Variants in BCKDHB observed in about 807,000 individuals in gnomAD.
BCKDHB encodes branched chain keto acid dehydrogenase E1 subunit beta.
A neutral mutation model predicts 48.5 loss-of-function variants in BCKDHB; 41 were observed. The observed-to-expected ratio is 0.85, with a 90% CI of 0.66 to 1.10. BCKDHB has a LOEUF of 1.10. Among genes scored for constraint, BCKDHB ranks in the 50% least tolerant of loss-of-function variants. The pLI is 0.00. For missense variants in BCKDHB, 496 were observed against 494.2 expected (o/e 1.00, Z -0.03); for synonymous variants, 201 against 174.8 (o/e 1.15, Z -1.18).
the BCKDHB span, among the ~76,000 whole-genome samples, chr6:80,362,102 A>G: frequency 1.5e-3 from 229 of 152,296 alleles, 1 homozygote; most frequent in Non-Finnish European, 2.7e-3. Flanking sequence ...GGAAGAAGTA[A>G]TGATTACTTG....
the BCKDHB span, among the ~76,000 whole-genome samples, chr6:80,444,355 A>T: frequency 6.6e-6 from 1 of 152,142 alleles, no homozygotes; most frequent in African/African-American, 2.4e-5. Context: ...TAAAAATGAA[A>T]CTTTTAAGAG....
intron 3 of BCKDHB, among the ~76,000 whole-genome samples, chr6:80,152,620 T>C (rs73750063): frequency 0.019 from 2,840 of 152,292 alleles, 84 homozygotes; most frequent in African/African-American, 0.065. Flanking sequence ...CAGAATCACA[T>C]TGAGCATGCA....
chr6:80,121,781 A>G (rs1467188790), intron 1 of BCKDHB, among the ~76,000 whole-genome samples: 3 of 152,170 alleles, frequency 2.0e-5, no homozygotes, highest in Non-Finnish European at 1.5e-5. Context: ...TTCTAAATAT[A>G]CAATAATCTC....
At chr6:80,393,861 T>G in the BCKDHB span, among the ~76,000 whole-genome samples, 1 of 152,342 alleles carries the variant, frequency 6.6e-6, no homozygotes, top group East Asian at 1.9e-4. Flanking sequence ...TTAGTAGAGC[T>G]TATTTTCCAG....
chr6:80,246,460 G>C (rs1283948449), intron 8 of BCKDHB, among the ~76,000 whole-genome samples: 1 of 152,148 alleles, frequency 6.6e-6, no homozygotes, highest in African/African-American at 2.4e-5. Flanking sequence ...TGTTTCATTG[G>C]CTGGCCCTGC....
At chr6:80,268,356 T>C (rs761034828) in intron 8 of BCKDHB, among the ~76,000 whole-genome samples, 4 of 152,128 alleles carry the variant, frequency 2.6e-5, no homozygotes, top group Non-Finnish European at 5.9e-5. Flanking sequence ...TTACCATTAG[T>C]TGTACTTATA....
chr6:80,332,949 C>T (rs549470983), intron 9 of BCKDHB, among the ~76,000 whole-genome samples: 4 of 151,706 alleles, frequency 2.6e-5, no homozygotes, highest in South Asian at 2.1e-4. Flanking sequence ...AGTACAAATT[C>T]GTACGGAACC....
At chr6:80,266,996 C>G (rs1014605105) in intron 8 of BCKDHB, among the ~76,000 whole-genome samples, 2 of 151,832 alleles carry the variant, frequency 1.3e-5, no homozygotes, top group African/African-American at 4.8e-5. Context: ...CACCACCCCC[C>G]GCCCATGAAA....
At chr6:80,188,133 A>T (rs1773731220) in intron 6 of BCKDHB, among the ~76,000 whole-genome samples, 1 of 152,210 alleles carries the variant, frequency 6.6e-6, no homozygotes, top group South Asian at 2.1e-4. Flanking sequence ...TACACCATGG[A>T]AAACTCTACA....
the BCKDHB span, among the ~76,000 whole-genome samples, chr6:80,352,151 G>GTT: frequency 2.5e-3 from 373 of 147,356 alleles, 1 homozygote; most frequent in African/African-American, 8.3e-3. Flanking sequence ...TGTTGTTGTT[G>GTT]TTTTTTTTTT....
chr6:80,334,395 TC>T (rs746207777), intron 9 of BCKDHB, among the ~76,000 whole-genome samples: 3 of 152,134 alleles, frequency 2.0e-5, no homozygotes, highest in Non-Finnish European at 4.4e-5. Flanking sequence ...GTTAATTTGT[TC>T]AATTATTAAA....
the BCKDHB span, among the ~76,000 whole-genome samples, chr6:80,387,928 A>T: frequency 3.3e-5 from 5 of 152,234 alleles, no homozygotes; most frequent in Non-Finnish European, 7.3e-5. Flanking sequence ...ATGCCAGAGG[A>T]TGGGAAATAA....
chr6:80,236,270 G>C (rs1389711850), intron 8 of BCKDHB, among the ~76,000 whole-genome samples: 2 of 152,098 alleles, frequency 1.3e-5, no homozygotes, highest in East Asian at 3.9e-4. Flanking sequence ...CATATTCCCA[G>C]CTTAACCAAG....
chr6:80,172,035 A>G (rs759906405), intron 6 of BCKDHB, among the ~76,000 whole-genome samples: 3 of 152,096 alleles, frequency 2.0e-5, no homozygotes, highest in Non-Finnish European at 4.4e-5. Context: ...CATTCTCCCT[A>G]TGCCAAAAAC....
At chr6:80,213,487 A>C (rs1254230504) in intron 8 of BCKDHB, among the ~76,000 whole-genome samples, 1 of 152,068 alleles carries the variant, frequency 6.6e-6, no homozygotes, top group Non-Finnish European at 1.5e-5. Flanking sequence ...GCAGCTTTTA[A>C]AACTGGGTCT....
chr6:80,450,584 C>T, the BCKDHB span, among the ~76,000 whole-genome samples: 7 of 152,242 alleles, frequency 4.6e-5, no homozygotes, highest in South Asian at 2.1e-4. Flanking sequence ...GAGGCACTCC[C>T]GTAATTTGGG....
At chr6:80,136,772 TA>T (rs950872037) in intron 3 of BCKDHB, among the ~76,000 whole-genome samples, 1 of 151,824 alleles carries the variant, frequency 6.6e-6, no homozygotes, top group African/African-American at 2.4e-5. Context: ...CCCAATCAAT[TA>T]AAAAAATAAG....
intron 8 of BCKDHB, among the ~76,000 whole-genome samples, chr6:80,271,850 C>T (rs1562192802): frequency 2.7e-5 from 4 of 148,908 alleles, no homozygotes; most frequent in Non-Finnish European, 4.5e-5. Flanking sequence ...ATTGTCAAAT[C>T]TTTTTTTTTT....
At chr6:80,229,032 T>C (rs1775800320) in intron 8 of BCKDHB, among the ~76,000 whole-genome samples, 1 of 152,178 alleles carries the variant, frequency 6.6e-6, no homozygotes. Context: ...TAGCATCTCC[T>C]GAAGGCATTC....
Sources: gnomAD v4.1 joint callset for allele counts (sites outside exome capture counted in the v4.1 genomes callset) on GRCh38, gnomAD v4.1.1 for gene constraint, MANE v1.5 for transcripts, NCBI Gene and HGNC (gene_info 2026-07-23, HGNC 2026-07-21) for gene names.